SLC1A6: variants seen among roughly 807,000 people sequenced by gnomAD.
The protein encoded by SLC1A6 is solute carrier family 1 member 6, also known as excitatory amino acid transporter 4.
In SLC1A6, 15 loss-of-function variants were observed where a neutral mutation model predicts 42.1. The ratio of observed to expected loss-of-function variants is 0.36; its 90% CI spans 0.24 to 0.55. SLC1A6 has a LOEUF of 0.55. Among genes scored for constraint, SLC1A6 ranks in the 20% least tolerant of loss-of-function variants. The pLI, the probability that SLC1A6 is intolerant of heterozygous loss-of-function variation, is 0.88. For missense variants in SLC1A6, 542 were observed against 772.5 expected, an observed-to-expected ratio of 0.70 and a Z score of 3.54; for synonymous variants, 317 against 319.7, an observed-to-expected ratio of 0.99 and a Z score of 0.09.
chr19:14,984,670 A>G (rs1246850842), upstream of SLC1A6, among the ~76,000 whole-genome samples: 2 of 152,210 alleles, frequency 1.3e-5, no homozygotes, highest in African/African-American at 4.8e-5. Flanking sequence ...TTAACCATGC[A>G]TGATTTTGAA....
intron 1 of SLC1A6, among the ~76,000 whole-genome samples, chr19:14,991,527 G>A (rs1296378532): frequency 6.6e-6 from 1 of 151,684 alleles, no homozygotes; most frequent in East Asian, 1.9e-4. Flanking sequence ...GGAGGCTGAG[G>A]AAGAGAATTG....
chr19:14,978,873 A>G (rs1398293326), intron 1 of SLC1A6, among the ~76,000 whole-genome samples: 2 of 152,052 alleles, frequency 1.3e-5, no homozygotes, highest in Non-Finnish European at 2.9e-5. Context: ...AATCTTACAG[A>G]GGCAGTGACA....
In SLC1A6 at chr19:14,950,220, C is replaced by G; in HGVS notation, c.1670G>C (p.Arg557Pro). 6.3e-7 allele frequency: 1 copy of G among 1,585,846 alleles called. No individual in the cohort carries two copies. Among genetic ancestry groups the G allele is most frequent in the African/African-American group, 1.3e-5 (1 of 74,404 alleles). ...TCACATAGCACTCTCGTTGCCTCCC[C>G]GTCCCCGGGATGCCCCCTTCTCCTG... ...MAQEKGASRG[R>P]GGNESAM Residue 557 changes from arginine (R) to proline (P), a missense_variant, in exon 10 of 10, where the codon CGG becomes CCG. By Grantham distance (103) the Arg-to-Pro change is moderately radical. Coordinates refer to ENST00000594383, the MANE Select transcript of SLC1A6 (RefSeq NM_005071.3).
intron 1 of SLC1A6, among the ~76,000 whole-genome samples, chr19:14,991,636 A>G (rs2145232492): frequency 6.8e-6 from 1 of 146,794 alleles, no homozygotes; most frequent in African/African-American, 2.5e-5. Flanking sequence ...AAAAAAAAAA[A>G]GACAATTTTA....
chr19:14,956,617 G>C lies in SLC1A6; in HGVS notation c.1028C>G (p.Thr343Ser). 1.2e-6 allele frequency: 2 copies of C among 1,613,914 alleles called. No individual in the cohort carries two copies. The highest frequency in any genetic ancestry group is 1.7e-6 in the Non-Finnish European group (2 of 1,179,906). ...GAACAGGCCCACGATGACGGTCAGG[G>C]TGTACATGCCCAGCTGACCCCCCAG... ...AVLGGQLGMY[T>S]LTVIVGLFLH... The change falls in exon 7 of 10, where the codon ACC becomes AGC. Residue 343 changes from threonine to serine, a missense_variant. Thr to Ser is a moderately conservative substitution (Grantham distance 58). Around this residue, in one of 6 missense-constraint regions of SLC1A6, gnomAD observed 298 missense variants for 419.4 expected, o/e 0.71. Coordinates refer to ENST00000594383, the MANE Select transcript of SLC1A6 (RefSeq NM_005071.3).
intron 1 of SLC1A6, among the ~76,000 whole-genome samples, chr19:15,001,924 G>C (rs1330279150): frequency 6.6e-6 from 1 of 152,090 alleles, no homozygotes; most frequent in Non-Finnish European, 1.5e-5. Flanking sequence ...GTCTCCCAAA[G>C]TGCTGGGATT....
At chr19:14,992,746 G>C (rs891833137) in intron 1 of SLC1A6, among the ~76,000 whole-genome samples, 1 of 152,084 alleles carries the variant, frequency 6.6e-6, no homozygotes, top group South Asian at 2.1e-4. Flanking sequence ...CTGACCAAAG[G>C]CTCCAACTCT....
intron 1 of SLC1A6, among the ~76,000 whole-genome samples, chr19:14,995,367 A>AGGG (rs2045840955): frequency 2.5e-4 from 29 of 115,920 alleles, no homozygotes; most frequent in South Asian, 2.0e-3. Flanking sequence ...GAAAGAAAGA[A>AGGG]AAGGGAAGGG....
In SLC1A6 at chr19:14,976,680, G is replaced by A. The variant is rs533387669; in HGVS notation, c.-8+2629C>T. The A allele has an allele frequency of 3.9e-3, 587 of 152,114 alleles. 2 individuals are homozygous for A. The highest frequency in any genetic ancestry group is 8.7e-3 in the South Asian group (42 of 4,816). 9.4% of individuals were successfully genotyped at this position (152,114 alleles called of 1,614,324 possible). ...ATTACAGGTATGAGCCACAGCGCCC[G>A]GCTGCCCCCCATCTACTTCCTAAGG... On this transcript the variant is annotated intron_variant, in intron 1 of 9. Transcript: ENST00000594383.
At chr19:15,008,183 C>A (rs1191482865) in intron 1 of SLC1A6, among the ~76,000 whole-genome samples, 2 of 151,982 alleles carry the variant, frequency 1.3e-5, no homozygotes, top group Middle Eastern at 3.4e-3. Flanking sequence ...TGTCTTTACA[C>A]AAAATTTAAA....
chr19:14,964,146 A>AC (rs1568288138), intron 5 of SLC1A6, 173 bp downstream of exon 5: 14 of 631,452 alleles, frequency 2.2e-5, no homozygotes, highest in South Asian at 1.2e-4. Context: ...CTTCTCCCTA[A>AC]CCCCCCCAGA....
At chr19:15,005,167 G>A (rs1019498773) in intron 1 of SLC1A6, among the ~76,000 whole-genome samples, 3 of 152,068 alleles carry the variant, frequency 2.0e-5, no homozygotes, top group African/African-American at 7.2e-5. Flanking sequence ...GGCTGAGGCA[G>A]GAGGATTGTT....
intron 9 of SLC1A6, among the ~76,000 whole-genome samples, chr19:14,952,117 ACCT>A (rs1415662215): frequency 4.6e-5 from 7 of 151,964 alleles, no homozygotes; most frequent in South Asian, 4.2e-4. Flanking sequence ...CTACCCGTAA[ACCT>A]CCTGTTTTTA....
upstream of SLC1A6, among the ~76,000 whole-genome samples, chr19:14,983,034 C>G (rs574146527): frequency 6.6e-6 from 1 of 152,300 alleles, no homozygotes; most frequent in East Asian, 1.9e-4. Flanking sequence ...AGTTGATTTT[C>G]ATTATTCACG....
chr19:15,005,551 C>G (rs1430398912), intron 1 of SLC1A6, among the ~76,000 whole-genome samples: 5 of 152,030 alleles, frequency 3.3e-5, no homozygotes, highest in Admixed American at 6.6e-5. Flanking sequence ...CTCACCTGTT[C>G]TTCAAATACA....
intron 8 of SLC1A6, 85 bp from the exon 9 acceptor site, chr19:14,953,147 G>A (rs2045428598): frequency 1.9e-6 from 2 of 1,027,024 alleles, no homozygotes; most frequent in Non-Finnish European, 2.9e-6. Context: ...GAGAAGGGAA[G>A]AGATCAGCTC....
At chr19:14,969,735 C>A (rs921333334) in intron 3 of SLC1A6, among the ~76,000 whole-genome samples, 14 of 152,224 alleles carry the variant, frequency 9.2e-5, no homozygotes, top group African/African-American at 3.1e-4. Context: ...ATCCCCAAAT[C>A]CAGGGATTGG....
intron 1 of SLC1A6, among the ~76,000 whole-genome samples, chr19:14,992,115 C>T (rs898761866): frequency 1.3e-5 from 2 of 152,350 alleles, no homozygotes; most frequent in Admixed American, 6.5e-5. Context: ...CGTGAGCCAA[C>T]GCGCCCAGTG....
chr19:14,994,031 C>T (rs980747445), intron 1 of SLC1A6, among the ~76,000 whole-genome samples: 2 of 152,168 alleles, frequency 1.3e-5, no homozygotes, highest in Admixed American at 6.5e-5. Flanking sequence ...ACATTTGCTT[C>T]TCTCAACCCC....
Sources: gnomAD v4.1 joint callset for allele counts (sites outside exome capture counted in the v4.1 genomes callset) on GRCh38, gnomAD v4.1.1 for gene constraint, gnomAD v4.1.1 regional missense constraint, MANE v1.5 for transcripts, NCBI Gene and HGNC (gene_info 2026-07-23, HGNC 2026-07-21) for gene names.